Variants in NR2F1-AS1 observed in about 807,000 individuals in gnomAD.
The protein encoded by NR2F1-AS1 is NR2F1 antisense RNA 1.
At chr5:93,464,731 C>A (rs766503045) in intron 4 of NR2F1-AS1, among the ~76,000 whole-genome samples, 1 of 152,152 alleles carries the variant, frequency 6.6e-6, no homozygotes, top group Non-Finnish European at 1.5e-5. Context: ...ATTCATGCAG[C>A]CTAACATTTG....
chr5:93,464,326 TCTTTC>T (rs1223192463), intron 4 of NR2F1-AS1, among the ~76,000 whole-genome samples: 1 of 152,224 alleles, frequency 6.6e-6, no homozygotes, highest in African/African-American at 2.4e-5. Context: ...CCATTAAATG[TCTTTC>T]TTTTCTAAAT....
intron 4 of NR2F1-AS1, among the ~76,000 whole-genome samples, chr5:93,452,099 T>C (rs1445874353): frequency 1.3e-5 from 2 of 152,220 alleles, no homozygotes; most frequent in Non-Finnish European, 2.9e-5. Context: ...AAATACACTA[T>C]GTTTTAAAAA....
At chr5:93,456,906 G>T (rs764075667) in intron 4 of NR2F1-AS1, among the ~76,000 whole-genome samples, 1 of 152,090 alleles carries the variant, frequency 6.6e-6, no homozygotes, top group East Asian at 1.9e-4. Flanking sequence ...AAAGAAAAAG[G>T]TGCTGTGCTT....
intron 4 of NR2F1-AS1, among the ~76,000 whole-genome samples, chr5:93,522,447 T>C (rs1009278465): frequency 6.6e-6 from 1 of 152,222 alleles, no homozygotes; most frequent in Non-Finnish European, 1.5e-5. Context: ...TACTAATTCA[T>C]TCCCTTTTTT....
chr5:93,482,856 C>A (rs1228661971), intron 4 of NR2F1-AS1, among the ~76,000 whole-genome samples: 1 of 152,204 alleles, frequency 6.6e-6, no homozygotes, highest in Non-Finnish European at 1.5e-5. Context: ...CTGGGCAGAG[C>A]CCACTGCAGC....
intron 4 of NR2F1-AS1, among the ~76,000 whole-genome samples, chr5:93,551,898 G>C (rs572021912): frequency 6.6e-6 from 1 of 152,220 alleles, no homozygotes; most frequent in South Asian, 2.1e-4. Context: ...GTATAATTAT[G>C]GTGAGACCTT....
At chr5:93,489,360 C>T (rs1750790341) in intron 4 of NR2F1-AS1, among the ~76,000 whole-genome samples, 1 of 151,840 alleles carries the variant, frequency 6.6e-6, no homozygotes, top group South Asian at 2.1e-4. Context: ...CTACAACTTG[C>T]TAAAGTCTCA....
intron 4 of NR2F1-AS1, among the ~76,000 whole-genome samples, chr5:93,421,801 G>C (rs1050987916): frequency 3.9e-5 from 6 of 152,158 alleles, no homozygotes; most frequent in African/African-American, 1.4e-4. Context: ...AGATTAGTGG[G>C]CAGCAATGAA....
rs536363442 is a variant in NR2F1-AS1, at chr5:93,534,248, A to G, written n.638+19513T>C. Among the ~76,000 whole-genome samples the G allele has an allele frequency of 4.6e-5, 7 of 152,312 alleles. No homozygotes were observed. In the South Asian group the frequency reaches 1.4e-3, roughly 32 times the overall value. On this transcript the variant is annotated intron_variant and non_coding_transcript_variant, in intron 4 of 5. Transcript: ENST00000660523. ...CCTGTGAGGTAATACTATCATTCCT[A>G]TTTTACAGATGAAAAAAGTAAAGCT... is the stretch of plus-strand genomic sequence containing the variant.
intron 1 of NR2F1-AS1, among the ~76,000 whole-genome samples, chr5:93,574,959 A>C (rs1312065452): frequency 6.6e-6 from 1 of 152,216 alleles, no homozygotes; most frequent in Non-Finnish European, 1.5e-5. Context: ...GGAGTTAAAG[A>C]GGGATTAATC....
chr5:93,510,306 T>C (rs1030665530), intron 4 of NR2F1-AS1, among the ~76,000 whole-genome samples: 6 of 152,158 alleles, frequency 3.9e-5, no homozygotes, highest in African/African-American at 1.4e-4. Flanking sequence ...TTAGAACTTT[T>C]AATCAAGTTT....
intron 1 of NR2F1-AS1, among the ~76,000 whole-genome samples, chr5:93,568,001 A>T (rs1163388987): frequency 6.6e-6 from 1 of 152,202 alleles, no homozygotes; most frequent in Non-Finnish European, 1.5e-5. Flanking sequence ...CTAAGTGTAA[A>T]TTTACCTACT....
intron 2 of NR2F1-AS1, among the ~76,000 whole-genome samples, chr5:93,560,047 T>C (rs958900394): frequency 4.6e-5 from 7 of 152,124 alleles, no homozygotes; most frequent in African/African-American, 1.7e-4. Flanking sequence ...TAAAACAAAA[T>C]ATGCCTGTAT....
intron 4 of NR2F1-AS1, among the ~76,000 whole-genome samples, chr5:93,518,457 G>C (rs1474173745): frequency 6.6e-6 from 1 of 151,944 alleles, no homozygotes; most frequent in Non-Finnish European, 1.5e-5. Context: ...AACCCTTTCA[G>C]GGAGATAAGA....
At chr5:93,521,924 A>G (rs912384710) in intron 4 of NR2F1-AS1, among the ~76,000 whole-genome samples, 11 of 152,212 alleles carry the variant, frequency 7.2e-5, no homozygotes, top group South Asian at 2.1e-4. Context: ...TCATTGCGGC[A>G]CTATTCACAA....
At chr5:93,498,108 G>A (rs1751003235) in intron 4 of NR2F1-AS1, among the ~76,000 whole-genome samples, 1 of 152,054 alleles carries the variant, frequency 6.6e-6, no homozygotes, top group Non-Finnish European at 1.5e-5. Context: ...AGGGTTACTT[G>A]AGGCCAGGAA....
At chr5:93,442,268 G>T (rs1404315817) in intron 4 of NR2F1-AS1, among the ~76,000 whole-genome samples, 1 of 152,162 alleles carries the variant, frequency 6.6e-6, no homozygotes, top group Non-Finnish European at 1.5e-5. Flanking sequence ...AAGCGCAAGG[G>T]GTTGGGCAAT....
rs2149885409 is a variant in NR2F1-AS1, at chr5:93,500,587, C to T, written n.638+53174G>A. 2.6e-5 allele frequency among the ~76,000 whole-genome samples: 4 copies of T among 152,242 alleles called. No homozygotes were observed. The South Asian group carries it at 8.3e-4, about 32-fold the overall frequency. On this transcript the variant is annotated intron_variant and non_coding_transcript_variant, in intron 4 of 5. Transcript: ENST00000660523. ...ATTGTTTTCTTGACTGCTAATACAA[C>T]ATCCATTCTGCAGCCCATAGATCAA...
At chr5:93,564,230 CTATTA>C (rs1250096407) in intron 1 of NR2F1-AS1, among the ~76,000 whole-genome samples, 1 of 141,150 alleles carries the variant, frequency 7.1e-6, no homozygotes, top group Non-Finnish European at 1.5e-5. Flanking sequence ...AAAATGGTTA[CTATTA>C]TAAGTTCCCA....
Sources: gnomAD v4.1 joint callset for allele counts (sites outside exome capture counted in the v4.1 genomes callset) on GRCh38, gnomAD v4.1.1 for gene constraint, MANE v1.5 for transcripts, NCBI Gene and HGNC (gene_info 2026-07-23, HGNC 2026-07-21) for gene names.